TRAPPC9: variants seen among roughly 807,000 people sequenced by gnomAD.
TRAPPC9 encodes IKK2 binding protein.
Under a neutral mutation model 124.0 loss-of-function variants are expected in TRAPPC9, and 83 were observed. The observed-to-expected ratio is 0.67, with a 90% confidence interval of 0.56 to 0.80. The LOEUF is 0.80. Among genes scored for constraint, TRAPPC9 ranks in the 30% least tolerant of loss-of-function variants. TRAPPC9 has a pLI of 0.00. For missense variants in TRAPPC9, 1,302 were observed against 1,508.3 expected (o/e 0.86, Z 2.27); for synonymous variants, 638 against 617.5 (o/e 1.03, Z -0.49).
intron 2 of TRAPPC9, among the ~76,000 whole-genome samples, chr8:140,449,813 T>G (rs775413912): frequency 2.6e-5 from 4 of 152,212 alleles, no homozygotes; most frequent in Non-Finnish European, 5.9e-5. Flanking sequence ...GACCTAGCCC[T>G]TACCTCTCCA....
At chr8:140,317,847 T>C (rs945905337) in intron 9 of TRAPPC9, among the ~76,000 whole-genome samples, 4 of 152,200 alleles carry the variant, frequency 2.6e-5, no homozygotes, top group African/African-American at 9.6e-5. Context: ...AAAATAGGCA[T>C]ATAATACCCT....
At chr8:140,273,001 G>A (rs2065006026) in intron 15 of TRAPPC9, among the ~76,000 whole-genome samples, 1 of 152,164 alleles carries the variant, frequency 6.6e-6, no homozygotes, top group Non-Finnish European at 1.5e-5. Flanking sequence ...TGTCTCAAGT[G>A]CTTCACACAT....
chr8:139,758,318 G>A (rs1474808047), intron 21 of TRAPPC9, among the ~76,000 whole-genome samples: 2 of 152,220 alleles, frequency 1.3e-5, no homozygotes, highest in African/African-American at 2.4e-5. Context: ...GCATGCCCAC[G>A]TCGCGTGCTT....
At chr8:139,745,763 C>A (rs1274840359) in intron 21 of TRAPPC9, among the ~76,000 whole-genome samples, 1 of 152,252 alleles carries the variant, frequency 6.6e-6, no homozygotes, top group African/African-American at 2.4e-5. Context: ...GTTGGGGGAC[C>A]AGGGACTGGG....
intron 17 of TRAPPC9, among the ~76,000 whole-genome samples, chr8:140,106,930 C>G: frequency 6.6e-6 from 1 of 152,164 alleles, no homozygotes; most frequent in East Asian, 1.9e-4. Context: ...TCTTAATAAA[C>G]ATTTGCAAAC....
intron 17 of TRAPPC9, among the ~76,000 whole-genome samples, chr8:140,171,977 T>C (rs2061976664): frequency 6.6e-6 from 1 of 152,128 alleles, no homozygotes; most frequent in Non-Finnish European, 1.5e-5. Context: ...TGACAACTGC[T>C]ATGGGTGCCG....
intron 9 of TRAPPC9, among the ~76,000 whole-genome samples, chr8:140,318,475 A>G (rs999593148): frequency 6.6e-5 from 10 of 152,220 alleles, no homozygotes; most frequent in Non-Finnish European, 1.3e-4. Flanking sequence ...AAAAAAGTCA[A>G]CTTACTCCTC....
chr8:140,117,247 C>A (rs1464197914), intron 17 of TRAPPC9, among the ~76,000 whole-genome samples: 1 of 152,150 alleles, frequency 6.6e-6, no homozygotes, highest in Non-Finnish European at 1.5e-5. Context: ...TGAGATGATA[C>A]ATGCAAAGTG....
chr8:140,288,841 T>C (rs1332954809), intron 12 of TRAPPC9, among the ~76,000 whole-genome samples: 1 of 152,332 alleles, frequency 6.6e-6, no homozygotes, highest in African/African-American at 2.4e-5. Context: ...TACAGAACAC[T>C]GCTGAGATAA....
In TRAPPC9 at chr8:139,730,911, A is replaced by C; in HGVS notation, c.*150T>G. 1 of 843,680 alleles carries C rather than the reference A, an allele frequency of 1.2e-6. No individual in the cohort carries two copies. The highest frequency in any genetic ancestry group is 1.8e-6 in the Non-Finnish European group (1 of 547,112). The allele number at this position is 843,680 out of a possible 1,614,324, so 52.3% of individuals were successfully genotyped here. A position where few individuals can be genotyped will look rare whatever the true frequency, so the allele number is the denominator to read the frequency against. ...TTCTGCGTAGCCCAGCAAAGATGCT[A>C]CAGGAGGAACAGGAGGAGAGGGCTG... On this transcript the variant is annotated 3_prime_UTR_variant, in exon 23 of 23. Transcript: ENST00000438773.
chr8:139,976,565 C>T (rs558246387), intron 19 of TRAPPC9, among the ~76,000 whole-genome samples: 7 of 152,306 alleles, frequency 4.6e-5, no homozygotes, highest in African/African-American at 9.6e-5. Context: ...AATAATAAGG[C>T]GGCTACGAAC....
Position 139,852,672 on chromosome 8 carries a change from G to A in TRAPPC9, c.3055+33207C>T, listed in dbSNP as rs538181263. ...GGAAATCATGTGTTTATCTTCCATCGGGCAGCACAAACCAAAGAAAATATT... is the reference window on the plus strand; with the variant it reads ...GGAAATCATGTGTTTATCTTCCATCAGGCAGCACAAACCAAAGAAAATATT... On this transcript the variant is annotated intron_variant, in intron 21 of 22. Transcript: ENST00000438773. 3.9e-5 allele frequency among the ~76,000 whole-genome samples: 6 copies of A among 152,224 alleles called. No individual in the cohort carries two copies. The South Asian group carries it at 1.0e-3, about 26-fold the overall frequency.
At chr8:140,010,576 GTAAACA>G (rs1272424113) in intron 18 of TRAPPC9, among the ~76,000 whole-genome samples, 1 of 152,132 alleles carries the variant, frequency 6.6e-6, no homozygotes, top group Non-Finnish European at 1.5e-5. Flanking sequence ...CAAATGTTCA[GTAAACA>G]TAAAGATGGT....
chr8:140,212,237 A>T (rs2063078221), intron 17 of TRAPPC9, among the ~76,000 whole-genome samples: 1 of 152,220 alleles, frequency 6.6e-6, no homozygotes, highest in African/African-American at 2.4e-5. Flanking sequence ...GGGCTGGTAG[A>T]TGCATTTCAT....
chr8:139,750,262 A>C (rs1324904097), intron 21 of TRAPPC9, among the ~76,000 whole-genome samples: 2 of 152,236 alleles, frequency 1.3e-5, no homozygotes, highest in East Asian at 3.9e-4. Flanking sequence ...CCAGATGTGC[A>C]CAGGATTCCT....
chr8:139,937,011 G>C (rs1212498468), intron 19 of TRAPPC9, among the ~76,000 whole-genome samples: 3 of 150,132 alleles, frequency 2.0e-5, no homozygotes, highest in African/African-American at 7.4e-5. Context: ...GTGGGGAGTG[G>C]GCACTGCAGT....
chr8:140,275,838 A>C lies in TRAPPC9; in HGVS notation c.2115-17T>G. The C allele has an allele frequency of 6.2e-7, 1 of 1,602,512 alleles. No homozygotes were observed. The highest frequency in any genetic ancestry group is 8.5e-7 in the Non-Finnish European group (1 of 1,170,112). The stretch of plus-strand genomic sequence containing the variant: ...TGTGCAGATCTAAAATAAGAAGAAG[A>C]AATTTAAAGAAGAAAGAAGGAAGAA... On this transcript the variant is annotated splice_polypyrimidine_tract_variant and intron_variant, in intron 14 of 22. Coordinates refer to ENST00000438773, the MANE Select transcript of TRAPPC9 (RefSeq NM_001160372.4).
chr8:139,803,088 G>A (rs2130691405), intron 21 of TRAPPC9, among the ~76,000 whole-genome samples: 1 of 151,804 alleles, frequency 6.6e-6, no homozygotes, highest in South Asian at 2.1e-4. Flanking sequence ...TGCTTGTTGT[G>A]TATGTCATTG....
At chr8:140,081,543 A>C (rs2130004970) in intron 17 of TRAPPC9, among the ~76,000 whole-genome samples, 2 of 152,092 alleles carry the variant, frequency 1.3e-5, no homozygotes, top group African/African-American at 4.8e-5. Context: ...ATGGGGTTTC[A>C]CCATATTGAC....
Sources: gnomAD v4.1 joint callset for allele counts (sites outside exome capture counted in the v4.1 genomes callset) on GRCh38, gnomAD v4.1.1 for gene constraint, MANE v1.5 for transcripts, NCBI Gene and HGNC (gene_info 2026-07-23, HGNC 2026-07-21) for gene names.